LSAMP: variants seen among roughly 807,000 people sequenced by gnomAD.
The protein encoded by LSAMP is limbic system associated membrane protein.
In LSAMP, 7 loss-of-function variants were observed where a neutral mutation model predicts 38.6. That is an observed-to-expected ratio of 0.18 (90% CI 0.10 to 0.34). LSAMP has a LOEUF of 0.34. LSAMP is among the 10% of genes least tolerant of loss of function. The pLI is 1.00. For synonymous variants in LSAMP, 154 were observed against 166.8 expected (o/e 0.92, Z 0.59); for missense variants, 313 against 420.0 (o/e 0.75, Z 2.23).
chr3:116,091,088 C>A (rs1488138022), intron 1 of LSAMP, among the ~76,000 whole-genome samples: 2 of 152,150 alleles, frequency 1.3e-5, no homozygotes, highest in Non-Finnish European at 2.9e-5. Context: ...GAGACAGGTA[C>A]GCCCCTGGGG....
chr3:115,929,836 G>T (rs1180662929), intron 3 of LSAMP, among the ~76,000 whole-genome samples: 3 of 151,878 alleles, frequency 2.0e-5, no homozygotes, highest in Non-Finnish European at 4.4e-5. Flanking sequence ...GCACCCTCTA[G>T]CTTCTTGGAG....
rs1370964861 is a variant in LSAMP, at chr3:116,444,990, C to A, written c.42G>T (p.Leu14=). 2 of 1,613,920 alleles carry A rather than the reference C, an allele frequency of 1.2e-6. No homozygotes were observed. The highest frequency in any genetic ancestry group is 1.3e-5 in the African/African-American group (1 of 74,890). Residue 14 remains leucine (L), a synonymous_variant, in exon 1 of 7, where the codon CTG becomes CTT. Transcript: ENST00000490035. The part of the protein sequence containing the change: ...RVQPDRKQLP[L]VLLRLLCLLP... ...GAAGGCAGAGCAATCTCAGTAGGAC[C>A]AGTGGCAACTGTTTCCGATCCGGCT... is the stretch of plus-strand genomic sequence containing the variant.
At chr3:116,396,295 G>A (rs1218760882) in intron 1 of LSAMP, among the ~76,000 whole-genome samples, 2 of 152,146 alleles carry the variant, frequency 1.3e-5, no homozygotes, top group East Asian at 3.8e-4. Flanking sequence ...TTTTAGATGG[G>A]AGGAAAGAGC....
intron 2 of LSAMP, 86 bp from the exon 3 acceptor site, chr3:116,019,726 G>A: frequency 1.4e-6 from 2 of 1,409,428 alleles, no homozygotes; most frequent in South Asian, 1.2e-5. Flanking sequence ...CAAATTCAAG[G>A]TTTTATAACT....
chr3:116,310,291 A>G (rs1363297304), intron 1 of LSAMP, among the ~76,000 whole-genome samples: 1 of 152,160 alleles, frequency 6.6e-6, no homozygotes, highest in African/African-American at 2.4e-5. Context: ...GAGAAGTCAC[A>G]CAACTCTGGC....
At chr3:116,333,347 G>A (rs1244650503) in intron 1 of LSAMP, among the ~76,000 whole-genome samples, 1 of 151,652 alleles carries the variant, frequency 6.6e-6, no homozygotes, top group Non-Finnish European at 1.5e-5. Context: ...AAGACCAGCT[G>A]GGCCAAAATG....
chr3:116,320,153 G>A (rs13069169), intron 1 of LSAMP, among the ~76,000 whole-genome samples: 6 of 152,070 alleles, frequency 3.9e-5, no homozygotes, highest in African/African-American at 1.2e-4. Context: ...GGTGGCTCAC[G>A]CCTGTAATCT....
At chr3:116,113,626 T>C (rs1006828662) in intron 1 of LSAMP, among the ~76,000 whole-genome samples, 1 of 151,142 alleles carries the variant, frequency 6.6e-6, no homozygotes, top group African/African-American at 2.4e-5. Context: ...GGGGTTTCAC[T>C]GTTTTAGCCA....
intron 1 of LSAMP, among the ~76,000 whole-genome samples, chr3:116,178,545 C>CG (rs1002712605): frequency 5.9e-5 from 9 of 152,102 alleles, no homozygotes; most frequent in Non-Finnish European, 1.3e-4. Context: ...AAACCAGCAA[C>CG]ATACAGAGAG....
chr3:115,973,256 A>C (rs972710764), intron 3 of LSAMP, among the ~76,000 whole-genome samples: 1 of 152,208 alleles, frequency 6.6e-6, no homozygotes, highest in Non-Finnish European at 1.5e-5. Context: ...ATAAAGACAA[A>C]TTAGAGATGA....
intron 6 of LSAMP, among the ~76,000 whole-genome samples, chr3:115,827,664 A>T (rs1372386838): frequency 6.6e-6 from 1 of 152,172 alleles, no homozygotes; most frequent in Non-Finnish European, 1.5e-5. Flanking sequence ...CCCAGGGTCC[A>T]ATTAGGAAGC....
intron 6 of LSAMP, among the ~76,000 whole-genome samples, chr3:115,836,102 C>A (rs1401344278): frequency 6.6e-6 from 1 of 152,120 alleles, no homozygotes; most frequent in Non-Finnish European, 1.5e-5. Flanking sequence ...TGGGTAAATG[C>A]ACTCTGCCCT....
chr3:115,863,137 G>C (rs541782070), intron 3 of LSAMP, among the ~76,000 whole-genome samples: 1 of 152,158 alleles, frequency 6.6e-6, no homozygotes, highest in Non-Finnish European at 1.5e-5. Context: ...CTATAGTCTC[G>C]AACTTGACAA....
At chr3:116,069,820 G>A (rs1239389391) in intron 2 of LSAMP, among the ~76,000 whole-genome samples, 1 of 152,232 alleles carries the variant, frequency 6.6e-6, no homozygotes. Flanking sequence ...AGACAGAAAT[G>A]CTTATAAGGT....
rs541494482 is a variant in LSAMP, at chr3:115,809,214, T to C, written c.*1103A>G. On this transcript the variant is annotated 3_prime_UTR_variant, in exon 7 of 7. Transcript: ENST00000490035. ...TCACCTCGTCCACGTCATAATTCCT[T>C]ATGCTGTTTGCTTACCCCATCGATA... is the stretch of plus-strand genomic sequence containing the variant. 3 of 152,334 alleles carry C rather than the reference T, an allele frequency of 2.0e-5. No homozygotes were observed. The East Asian group carries it at 5.8e-4, about 29-fold the overall frequency. 9.4% of individuals were successfully genotyped at this position (152,334 alleles called of 1,614,324 possible).
chr3:116,131,694 G>T, intron 1 of LSAMP, among the ~76,000 whole-genome samples: 1 of 151,930 alleles, frequency 6.6e-6, no homozygotes, highest in Non-Finnish European at 1.5e-5. Flanking sequence ...AATCTTCCTC[G>T]TTGCTTAGGC....
At chr3:116,122,727 C>T (rs915000575) in intron 1 of LSAMP, among the ~76,000 whole-genome samples, 2 of 152,022 alleles carry the variant, frequency 1.3e-5, no homozygotes, top group African/African-American at 2.4e-5. Flanking sequence ...ATACATTTAA[C>T]GTATATTATT....
intron 1 of LSAMP, among the ~76,000 whole-genome samples, chr3:116,108,495 G>T (rs1708520434): frequency 6.6e-6 from 1 of 152,048 alleles, no homozygotes; most frequent in South Asian, 2.1e-4. Flanking sequence ...GAAGGGGAAG[G>T]ACTTACCTTC....
At chr3:116,308,833 T>C (rs1208228034) in intron 1 of LSAMP, among the ~76,000 whole-genome samples, 1 of 152,134 alleles carries the variant, frequency 6.6e-6, no homozygotes, top group Non-Finnish European at 1.5e-5. Context: ...AAAGAATGCA[T>C]GTGAGAGCAT....
Sources: gnomAD v4.1 joint callset for allele counts (sites outside exome capture counted in the v4.1 genomes callset) on GRCh38, gnomAD v4.1.1 for gene constraint, MANE v1.5 for transcripts, NCBI Gene and HGNC (gene_info 2026-07-23, HGNC 2026-07-21) for gene names.